Variants in PSG7 observed in about 807,000 individuals in gnomAD.
The protein encoded by PSG7 is pregnancy specific beta-1-glycoprotein 7, also known as pregnancy-specific beta-1-glycoprotein 7.
PSG7 carries 57 observed loss-of-function variants against 45.6 expected under a neutral mutation model. The ratio of observed to expected loss-of-function variants is 1.25; its 90% CI spans 1.01 to 1.56. PSG7 has a LOEUF of 1.56. Ranked by LOEUF, PSG7 falls within the 40% of genes most tolerant of loss-of-function variation. The pLI is 0.00. For missense variants in PSG7, 796 were observed against 508.4 expected (o/e 1.57, Z -5.44); for synonymous variants, 298 against 194.4 (o/e 1.53, Z -4.43).
chr19:42,935,864 A>G, intron 1 of PSG7, 95 bp from the exon 2 acceptor site: 1 of 1,348,834 alleles, frequency 7.4e-7, no homozygotes, highest in Non-Finnish European at 1.0e-6. Flanking sequence ...TTCAATCCTC[A>G]GCCTTGAAGA....
In PSG7 at chr19:42,925,949, G is replaced by T; in HGVS notation, c.1067C>A (p.Ala356Glu). 1.9e-6 allele frequency: 3 copies of T among 1,612,182 alleles called. No homozygotes were observed. The highest frequency in any genetic ancestry group is 2.5e-6 in the Non-Finnish European group (3 of 1,179,170). Residue 356 changes from alanine (A) to glutamate (E), a missense_variant, in exon 5 of 6, where the codon GCG becomes GAG. Ala to Glu is a moderately radical substitution (Grantham distance 107). Coordinates refer to ENST00000406070, the MANE Select transcript of PSG7 (RefSeq NM_002783.3). ...ATACTGTGCCGGTGGGTTAGAGTCC[G>T]CAAAGCAGGACAAGTAGAGGTTTTG... ...SGQNLYLSCF[A>E]DSNPPAQYSW...
intron 3 of PSG7, 152 bp downstream of exon 3, chr19:42,929,290 C>G (rs1441595838): frequency 7.2e-6 from 11 of 1,528,980 alleles, no homozygotes; most frequent in South Asian, 2.5e-5. Context: ...TAGGCCTACT[C>G]TGGTTTGCCT....
chr19:42,927,027 A>G, intron 3 of PSG7: 1 of 442,496 alleles, frequency 2.3e-6, no homozygotes, highest in Non-Finnish European at 3.9e-6. Context: ...TAATGAGTTG[A>G]CTGGCTGGCT....
intron 2 of PSG7, among the ~76,000 whole-genome samples, chr19:42,934,669 C>G (rs1973106226): frequency 6.6e-6 from 1 of 151,670 alleles, no homozygotes; most frequent in Admixed American, 6.6e-5. Flanking sequence ...CGTCAGATCC[C>G]TGTGGACAAG....
chr19:42,926,083 C>G, intron 4 of PSG7, 56 bp from the exon 5 acceptor site: 15 of 1,592,756 alleles, frequency 9.4e-6, no homozygotes, highest in Non-Finnish European at 1.2e-5. Flanking sequence ...GGGGATGCTC[C>G]TGGTCTCTTA....
chr19:42,930,370 A>T (rs1317075047), intron 2 of PSG7, among the ~76,000 whole-genome samples: 2 of 151,626 alleles, frequency 1.3e-5, no homozygotes, highest in Admixed American at 6.6e-5. Context: ...GATAGAGCAG[A>T]GTCCAAGGAA....
In PSG7 at chr19:42,932,510, C is replaced by T. The variant is rs995643257; in HGVS notation, c.431-2790G>A. Among the ~76,000 whole-genome samples, 2 of 151,374 alleles carry T rather than the reference C, an allele frequency of 1.3e-5. 1 individual carries two copies. Among genetic ancestry groups the T allele is most frequent in the East Asian group, 3.9e-4 (2 of 5,140 alleles). On this transcript the variant is annotated intron_variant, in intron 2 of 5. Coordinates refer to ENST00000406070, the MANE Select transcript of PSG7 (RefSeq NM_002783.3). ...TCACGAGTGAAATGGGTGAAATGAG[C>T]CCATGGGCTTTGGGAACTGCAGGCC...
chr19:42,934,994 G>A (rs1973112765), intron 2 of PSG7, among the ~76,000 whole-genome samples: 2 of 151,630 alleles, frequency 1.3e-5, no homozygotes, highest in Admixed American at 1.3e-4. Context: ...TCTGGAGCAA[G>A]GATTTAGGGA....
intron 1 of PSG7, among the ~76,000 whole-genome samples, 154 bp from the exon 2 acceptor site, chr19:42,935,923 C>T (rs1973144543): frequency 6.8e-6 from 1 of 147,710 alleles, no homozygotes; most frequent in South Asian, 2.2e-4. Context: ...CAAACACACA[C>T]ACACACATAT....
Position 42,924,740 on chromosome 19 carries a change from T to A in PSG7, c.*68A>T. On this transcript the variant is annotated 3_prime_UTR_variant, in exon 6 of 6. Transcript: ENST00000406070. ...GTCCAACTCTGACTTATAGGGCTTC[T>A]GGAACAGAGTGGGTCTTGCTCTTTG... 3 of 767,780 alleles carry A rather than the reference T, an allele frequency of 3.9e-6. 1 individual carries two copies. Among genetic ancestry groups the A allele is most frequent in the Non-Finnish European group, 7.2e-6 (3 of 417,494 alleles). 47.6% of individuals were successfully genotyped at this position (767,780 alleles called of 1,614,324 possible).
intron 2 of PSG7, among the ~76,000 whole-genome samples, chr19:42,932,322 CTG>C (rs1178454154): frequency 1.3e-5 from 2 of 151,490 alleles, no homozygotes; most frequent in African/African-American, 4.9e-5. Flanking sequence ...CCAGCCATCT[CTG>C]AGGGATTTTA....
At chr19:42,929,221 G>T in intron 3 of PSG7, 8 of 1,079,750 alleles carry the variant, frequency 7.4e-6, no homozygotes, top group Non-Finnish European at 1.0e-5. Context: ...ATCACAAGCT[G>T]TGGACCCTGA....
intron 2 of PSG7, among the ~76,000 whole-genome samples, chr19:42,933,297 A>ATTTTTTT (rs1399711757): frequency 6.0e-4 from 8 of 13,238 alleles, no homozygotes; most frequent in East Asian, 8.5e-3. Flanking sequence ...ATATATATAT[A>ATTTTTTT]TATATATATA....
In PSG7 at chr19:42,929,218, G is replaced by T. The variant is rs1568456826; in HGVS notation, c.709+224C>A. 16 of 1,051,506 alleles carry T rather than the reference G, an allele frequency of 1.5e-5. 1 individual carries two copies. Among genetic ancestry groups the T allele is most frequent in the South Asian group, 3.6e-5 (2 of 55,152 alleles). 65.1% of individuals were successfully genotyped at this position (1,051,506 alleles called of 1,614,324 possible). A position where few individuals can be genotyped will look rare whatever the true frequency, so the allele number is the denominator to read the frequency against. On this transcript the variant is annotated intron_variant, in intron 3 of 5. Transcript: ENST00000406070. ...CATTCACCTGTTTCTTCCATCACAA[G>T]CTGTGGACCCTGAGTCTCCCATGAC... is the stretch of plus-strand genomic sequence containing the variant.
At chr19:42,926,393 G>T (rs1461359069) in intron 4 of PSG7, 45 bp downstream of exon 4, 13 of 1,605,396 alleles carry the variant, frequency 8.1e-6, no homozygotes, top group Non-Finnish European at 9.4e-6. Flanking sequence ...AGTTAAGCTG[G>T]TGTCCTGGCC....
At chr19:42,930,048 G>C (rs538241254) in intron 2 of PSG7, among the ~76,000 whole-genome samples, 1 of 151,666 alleles carries the variant, frequency 6.6e-6, no homozygotes, top group Non-Finnish European at 1.5e-5. Context: ...GGCCCACCTT[G>C]TGGTCCTCAC....
chr19:42,935,746 G>A lies in PSG7; in HGVS notation c.88C>T (p.Pro30Ser). The A allele has an allele frequency of 6.2e-7, 1 of 1,610,818 alleles. No homozygotes were observed. Among genetic ancestry groups the A allele is most frequent in the Non-Finnish European group, 8.5e-7 (1 of 1,178,614 alleles). ...ATCGTGACTTGGGCTGTGGTGGGCGGGTTCCAGAAGTTTAAAAGTGATGCT... is the reference window on the plus strand; with the variant it reads ...ATCGTGACTTGGGCTGTGGTGGGCGAGTTCCAGAAGTTTAAAAGTGATGCT... ...LTASLLNFWN[P>S]PTTAQVTIEA... is the part of the protein sequence containing the mutation. The change falls in exon 2 of 6, where the codon CCG becomes TCG. Residue 30 changes from proline (P) to serine (S), a missense_variant. By Grantham distance (74) the Pro-to-Ser change is moderately conservative (BLOSUM62 -1). Transcript: ENST00000406070.
In PSG7 at chr19:42,935,915, AAC is replaced by A. The variant is rs147024666; in HGVS notation, c.65-148_65-147del. The A allele has an allele frequency of 4.2e-3, 1,316 of 314,744 alleles. 19 individuals are homozygous for A. The highest frequency in any genetic ancestry group is 0.021 in the African/African-American group (568 of 27,210). 19.5% of individuals were successfully genotyped at this position (314,744 alleles called of 1,614,324 possible). A position where few individuals can be genotyped will look rare whatever the true frequency, so the allele number is the denominator to read the frequency against. On this transcript the variant is annotated intron_variant, in intron 1 of 5. Transcript: ENST00000406070. ...ACACACACACACACACACACACACAAACACACACACACACATATAAAAGGGGC... is the reference window on the plus strand; with the variant it reads ...ACACACACACACACACACACACACAAACACACACACACATATAAAAGGGGC...
chr19:42,935,938 G>A (rs1467042722), intron 1 of PSG7, among the ~76,000 whole-genome samples, 169 bp from the exon 2 acceptor site: 2 of 146,662 alleles, frequency 1.4e-5, no homozygotes, highest in Non-Finnish European at 3.0e-5. Flanking sequence ...ACATATAAAA[G>A]GGGCATGTGT....
Sources: gnomAD v4.1 joint callset for allele counts (sites outside exome capture counted in the v4.1 genomes callset) on GRCh38, gnomAD v4.1.1 for gene constraint, MANE v1.5 for transcripts, NCBI Gene and HGNC (gene_info 2026-07-23, HGNC 2026-07-21) for gene names.